CAMTA1: variants seen among roughly 807,000 people sequenced by gnomAD.
The protein encoded by CAMTA1 is calmodulin binding transcription activator 1, also known as calmodulin-binding transcription activator 1.
A neutral mutation model predicts 170.9 loss-of-function variants in CAMTA1; 27 were observed. The observed-to-expected ratio is 0.16, with a 90% CI of 0.12 to 0.22. The LOEUF (loss-of-function observed/expected upper bound fraction) is 0.22, where lower values mean the gene tolerates loss of function less well. Among genes scored for constraint, CAMTA1 ranks in the 10% least tolerant of loss-of-function variants. The pLI is 1.00. For missense variants in CAMTA1, 1,619 were observed against 2,217.2 expected (o/e 0.73, Z 5.42); for synonymous variants, 833 against 891.5 (o/e 0.93, Z 1.17).
At chr1:7,211,510 CT>C (rs1216675910) in intron 4 of CAMTA1, among the ~76,000 whole-genome samples, 1 of 152,208 alleles carries the variant, frequency 6.6e-6, no homozygotes, top group Admixed American at 6.5e-5. Context: ...AATATACATT[CT>C]TTTGTATAAG....
At chr1:7,430,544 G>A (rs115587105) in intron 5 of CAMTA1, among the ~76,000 whole-genome samples, 2,014 of 152,216 alleles carry the variant, frequency 0.013, 41 homozygotes, top group African/African-American at 0.047. Context: ...TGATGATGAT[G>A]GGTATGAGGA....
At chr1:6,888,238 T>G (rs1673749700) in intron 3 of CAMTA1, 1 of 986,006 alleles carries the variant, frequency 1.0e-6, no homozygotes, top group East Asian at 1.1e-4. Context: ...TTCTGAATGT[T>G]TTTCCTTTAA....
intron 5 of CAMTA1, among the ~76,000 whole-genome samples, chr1:7,422,401 C>T (rs960048416): frequency 6.6e-6 from 1 of 151,976 alleles, no homozygotes; most frequent in Non-Finnish European, 1.5e-5. Context: ...CAGCAGATCC[C>T]GGCTTCCACG....
intron 1 of CAMTA1, among the ~76,000 whole-genome samples, chr1:6,805,191 A>G (rs1004518835): frequency 1.3e-5 from 2 of 152,184 alleles, no homozygotes; most frequent in Admixed American, 6.5e-5. Flanking sequence ...AACACTTGTT[A>G]TTGTCCATCT....
rs148925478 is a variant in CAMTA1, at chr1:7,482,543, T to C, written c.510+14642T>C. 4.8e-4 allele frequency among the ~76,000 whole-genome samples: 73 copies of C among 152,230 alleles called. No homozygotes were observed. The highest frequency in any genetic ancestry group is 8.5e-4 in the Non-Finnish European group (58 of 68,004). ...GAAGACATGCTCTTTAGAGATACAG[T>C]TTAAACTGGCCTTAGCTTGGGCAGA... is the stretch of plus-strand genomic sequence containing the variant. On this transcript the variant is annotated intron_variant, in intron 6 of 22. Transcript: ENST00000303635. The surrounding 1 kb of genome is among the most constrained non-coding windows in gnomAD (Gnocchi z 4.2).
intron 5 of CAMTA1, among the ~76,000 whole-genome samples, chr1:7,321,474 A>T (rs187847609): frequency 5.9e-5 from 9 of 152,274 alleles, no homozygotes; most frequent in African/African-American, 2.2e-4. Context: ...TCACTGGCAC[A>T]ATCCTTATGA....
chr1:7,058,884 TACACACACACA>T (rs879880806), intron 3 of CAMTA1, among the ~76,000 whole-genome samples: 16 of 104,184 alleles, frequency 1.5e-4, no homozygotes, highest in Non-Finnish European at 2.1e-4. Flanking sequence ...CACACACACA[TACACACACACA>T]CTCTCTCTCT....
chr1:6,834,019 T>C (rs978589679), intron 3 of CAMTA1, among the ~76,000 whole-genome samples: 14 of 152,132 alleles, frequency 9.2e-5, no homozygotes, highest in African/African-American at 3.1e-4. Context: ...TTGGCCTCTC[T>C]TGGGTCTTAG....
At chr1:6,976,209 A>G (rs976160115) in intron 3 of CAMTA1, among the ~76,000 whole-genome samples, 5 of 152,206 alleles carry the variant, frequency 3.3e-5, no homozygotes, top group African/African-American at 9.6e-5. Flanking sequence ...GCTTCTTGGA[A>G]GAAGGCCACA....
At chr1:7,011,014 C>A (rs957323762) in intron 3 of CAMTA1, among the ~76,000 whole-genome samples, 3 of 152,172 alleles carry the variant, frequency 2.0e-5, no homozygotes, top group Admixed American at 2.0e-4. Context: ...GTTCCAACCC[C>A]AAACATCCCC....
intron 5 of CAMTA1, among the ~76,000 whole-genome samples, chr1:7,422,961 G>A (rs568528638): frequency 3.1e-4 from 47 of 152,376 alleles, no homozygotes; most frequent in South Asian, 4.1e-4. Flanking sequence ...CCTGCAAGAT[G>A]CATTTTCAGA....
intron 6 of CAMTA1, among the ~76,000 whole-genome samples, chr1:7,579,552 CTTTTTTT>C (rs3034816): frequency 0.037 from 2,951 of 79,196 alleles, 110 homozygotes; most frequent in African/African-American, 0.16. Flanking sequence ...CTTTTCTTTT[CTTTTTTT>C]TTTTTTTTTT....
At chr1:7,505,094 G>A (rs960663714) in intron 6 of CAMTA1, among the ~76,000 whole-genome samples, 4 of 152,248 alleles carry the variant, frequency 2.6e-5, no homozygotes, top group Non-Finnish European at 4.4e-5. Flanking sequence ...CCTCCTTCAC[G>A]GGCGGAAGTG....
intron 6 of CAMTA1, among the ~76,000 whole-genome samples, chr1:7,616,203 C>A (rs1324484025): frequency 2.0e-5 from 3 of 152,242 alleles, no homozygotes; most frequent in Non-Finnish European, 4.4e-5. Context: ...GAAACCAAAA[C>A]AGCAGCCTAT....
chr1:7,467,950 G>C (rs768180448), intron 6 of CAMTA1, 49 bp downstream of exon 6: 2 of 1,506,166 alleles, frequency 1.3e-6, no homozygotes, highest in Admixed American at 3.4e-5. Context: ...GCTCGGGAAG[G>C]GTCTGTGGAG....
In CAMTA1 at chr1:7,044,486, C is replaced by T. The variant is rs1489698535; in HGVS notation, c.235-46818C>T. Among the ~76,000 whole-genome samples the T allele has an allele frequency of 1.3e-5, 2 of 152,180 alleles. No homozygotes were observed. The highest frequency in any genetic ancestry group is 1.5e-5 in the Non-Finnish European group (1 of 68,022). On this transcript the variant is annotated intron_variant, in intron 3 of 22. Coordinates refer to ENST00000303635, the MANE Select transcript of CAMTA1 (RefSeq NM_015215.4). The surrounding 1 kb of genome is among the most constrained non-coding windows in gnomAD (Gnocchi z 5.0). ...CAGATCATGCCCCTCTGCATGTAAC[C>T]GATGGCACAAACACCAGGCCTTCAG...
rs1666249211 is a variant in CAMTA1, at chr1:7,249,032, C to G, written c.303-459C>G. On this transcript the variant is annotated intron_variant, in intron 4 of 22. Transcript: ENST00000303635. This position sits in a 1 kb window ranked among gnomAD's most constrained non-coding sequence, Gnocchi z 4.4. ...AGCTCTGCCATCGGTCTGTTCTTAA[C>G]ATAGTCATCTAGCGTCTGCGTTAAA... Among the ~76,000 whole-genome samples, 1 of 152,210 alleles carries G rather than the reference C, an allele frequency of 6.6e-6. No individual in the cohort carries two copies. The highest frequency in any genetic ancestry group is 2.4e-5 in the African/African-American group (1 of 41,448).
chr1:6,786,094 C>G (rs1329124679), intron 1 of CAMTA1, among the ~76,000 whole-genome samples: 4 of 151,968 alleles, frequency 2.6e-5, no homozygotes, highest in Non-Finnish European at 5.9e-5. Context: ...GCCCCCTGCT[C>G]TCCGGCGGGC....
intron 5 of CAMTA1, among the ~76,000 whole-genome samples, chr1:7,276,289 A>ATTT (rs1393755906): frequency 2.4e-4 from 13 of 53,528 alleles, no homozygotes; most frequent in Non-Finnish European, 3.4e-4. Flanking sequence ...ATATATATAT[A>ATTT]TATATATATA....
Sources: gnomAD v4.1 joint callset for allele counts (sites outside exome capture counted in the v4.1 genomes callset) on GRCh38, gnomAD v4.1.1 for gene constraint, Gnocchi (gnomAD v3.1) non-coding constraint, MANE v1.5 for transcripts, NCBI Gene and HGNC (gene_info 2026-07-23, HGNC 2026-07-21) for gene names.